ATF6: variants seen among roughly 807,000 people sequenced by gnomAD.
ATF6 encodes activating transcription factor 6.
A neutral mutation model predicts 83.6 loss-of-function variants in ATF6; 53 were observed. The observed-to-expected ratio is 0.63, with a 90% CI of 0.51 to 0.80. The LOEUF is 0.80. Among genes scored for constraint, ATF6 ranks in the 30% least tolerant of loss-of-function variants. The probability of loss-of-function intolerance (pLI) is 0.00; values close to 1 mark genes in which losing one functional copy is unlikely to be tolerated. For synonymous variants in ATF6, 288 were observed against 285.8 expected, an observed-to-expected ratio of 1.01 and a Z score of -0.08; for missense variants, 744 against 797.9, an observed-to-expected ratio of 0.93 and a Z score of 0.81.
intron 14 of ATF6, among the ~76,000 whole-genome samples, chr1:161,884,262 A>C (rs1687375119): frequency 6.6e-6 from 1 of 152,150 alleles, no homozygotes; most frequent in Non-Finnish European, 1.5e-5. Context: ...TTTTTCATCT[A>C]CCAAAATGTG....
intron 4 of ATF6, among the ~76,000 whole-genome samples, chr1:161,790,595 A>G (rs879460962): frequency 2.6e-5 from 4 of 152,046 alleles, no homozygotes; most frequent in South Asian, 4.2e-4. Flanking sequence ...GGACCATATG[A>G]GGTCAGGAGT....
At chr1:161,899,750 A>AT (rs1238960499) in intron 14 of ATF6, among the ~76,000 whole-genome samples, 3 of 152,004 alleles carry the variant, frequency 2.0e-5, no homozygotes, top group South Asian at 2.1e-4. Context: ...TTTCTCTGCT[A>AT]TTTTTTTACA....
chr1:161,859,386 G>A (rs547452626), intron 12 of ATF6, among the ~76,000 whole-genome samples: 2 of 152,278 alleles, frequency 1.3e-5, no homozygotes, highest in East Asian at 1.9e-4. Context: ...GTTAAACTGC[G>A]AGCTTCTTAA....
rs1557961723 is a variant in ATF6, at chr1:161,791,076, G to GTCTC, written c.355-331_355-330insCTCT. Reference sequence around the variant, plus strand: ...CCAAGTTTTATATGTGTGTGTGTGTGTGTGTGTCTCTGTGTGTGTGTGTGT... The same window carrying GTCTC: ...CCAAGTTTTATATGTGTGTGTGTGTGTCTCTGTGTGTCTCTGTGTGTGTGTGTGT... On this transcript the variant is annotated intron_variant, in intron 4 of 15. Coordinates refer to ENST00000367942, the MANE Select transcript of ATF6 (RefSeq NM_007348.4). 2.0e-4 allele frequency among the ~76,000 whole-genome samples: 17 copies of GTCTC among 86,676 alleles called. No homozygotes were observed. The East Asian group carries it at 6.7e-3, about 34-fold the overall frequency. 56.9% of individuals were successfully genotyped at this position (86,676 alleles called of 152,430 possible).
intron 14 of ATF6, among the ~76,000 whole-genome samples, chr1:161,898,246 A>G (rs1460768443): frequency 2.6e-5 from 4 of 152,204 alleles, no homozygotes; most frequent in Non-Finnish European, 5.9e-5. Flanking sequence ...TATCATATCC[A>G]GGCTTTTGGT....
chr1:161,768,757 A>G (rs1050432484), intron 1 of ATF6, among the ~76,000 whole-genome samples: 2 of 152,032 alleles, frequency 1.3e-5, no homozygotes, highest in Non-Finnish European at 2.9e-5. Flanking sequence ...AATTTTTTGT[A>G]GAGACAGGGG....
intron 7 of ATF6, among the ~76,000 whole-genome samples, chr1:161,804,436 G>A (rs1244812151): frequency 6.6e-6 from 1 of 152,024 alleles, no homozygotes; most frequent in Non-Finnish European, 1.5e-5. Flanking sequence ...TAGAAACCAT[G>A]GGGTAGAGGA....
intron 15 of ATF6, among the ~76,000 whole-genome samples, chr1:161,933,144 T>C (rs1005289277): frequency 4.6e-5 from 7 of 152,220 alleles, no homozygotes; most frequent in African/African-American, 1.7e-4. Flanking sequence ...CACCAAAATA[T>C]GGAGCTTACT....
At chr1:161,791,296 C>T in intron 4 of ATF6, 112 bp from the exon 5 acceptor site, 1 of 824,360 alleles carries the variant, frequency 1.2e-6, no homozygotes, top group Non-Finnish European at 1.8e-6. Flanking sequence ...TATACCTTTC[C>T]TTTGAAGTTA....
intron 15 of ATF6, among the ~76,000 whole-genome samples, chr1:161,954,877 C>T (rs1346089850): frequency 6.6e-6 from 1 of 152,144 alleles, no homozygotes; most frequent in Non-Finnish European, 1.5e-5. Flanking sequence ...ACTCAGAAAG[C>T]CCAGAACATA....
chr1:161,817,459 A>C (rs1685638245), intron 7 of ATF6, among the ~76,000 whole-genome samples: 1 of 152,142 alleles, frequency 6.6e-6, no homozygotes, highest in Admixed American at 6.5e-5. Flanking sequence ...AATAGTTTGC[A>C]TTTGGTGAAT....
rs757452190 is a variant in ATF6, at chr1:161,821,078, G to A, written c.1104G>A (p.Arg368=). ...QLDEVVSENQ[R]LKVPSPKRRV... ...GTGGTCATTTCCTTTAGAACCAGAG[G>A]CTTAAAGTCCCTAGTCCAAAGCGAA... The change falls in exon 9 of 16, where the codon AGG becomes AGA. Residue 368 remains arginine (R), a synonymous_variant. Coordinates refer to ENST00000367942, the MANE Select transcript of ATF6 (RefSeq NM_007348.4). 2 of 1,608,584 alleles carry A rather than the reference G, an allele frequency of 1.2e-6. No individual in the cohort carries two copies. The highest frequency in any genetic ancestry group is 1.7e-5 in the Admixed American group (1 of 59,310).
intron 9 of ATF6, among the ~76,000 whole-genome samples, chr1:161,845,414 G>A (rs905596): frequency 0.14 from 21,546 of 151,954 alleles, 2,089 homozygotes; most frequent in East Asian, 0.31. Context: ...AACAAAGTGC[G>A]AACACACACA....
chr1:161,839,889 G>A (rs538497071), intron 9 of ATF6, among the ~76,000 whole-genome samples: 2 of 152,320 alleles, frequency 1.3e-5, no homozygotes, highest in East Asian at 3.9e-4. Context: ...GATGATGTCA[G>A]AGAGGTGAGA....
chr1:161,792,373 G>GT, intron 6 of ATF6, 46 bp downstream of exon 6: 1 of 1,531,972 alleles, frequency 6.5e-7, no homozygotes, highest in Non-Finnish European at 9.0e-7. Flanking sequence ...TTGGAGGGCA[G>GT]TAAGGGTTGT....
chr1:161,958,916 G>T lies in ATF6; in HGVS notation c.*262G>T, dbSNP rs1008814393. 7 of 315,230 alleles carry T rather than the reference G, an allele frequency of 2.2e-5. No homozygotes were observed. Among genetic ancestry groups the T allele is most frequent in the African/African-American group, 1.1e-4 (5 of 47,052 alleles). The allele number at this position is 315,230 out of a possible 1,614,324, so 19.5% of individuals were successfully genotyped here. On this transcript the variant is annotated 3_prime_UTR_variant, in exon 16 of 16. Transcript: ENST00000367942. ...CCTGCATCCTCCAGTGTTACCTGGT[G>T]TAGATTTTTTTTTCTGTACCTTTCT...
At position 161,766,401 on chromosome 1, in the gene ATF6, C is replaced by T. The variant is rs540411870; in HGVS notation, c.41C>T (p.Pro14Leu). ...GGGGTTGCCGGCACCATGGAGTCAC[C>T]TTTTAGCCCGGGACTCTTTCACAGG... Reference protein sequence around the residue: ...PAGVAGTMESPFSPGLFHRLD... With the variant: ...PAGVAGTMESLFSPGLFHRLD... The change falls in exon 1 of 16, where the codon CCT becomes CTT. Residue 14 changes from proline (P) to leucine (L), a missense_variant. Transcript: ENST00000367942. 1 of 1,613,596 alleles carries T rather than the reference C, an allele frequency of 6.2e-7. No homozygotes were observed. The highest frequency in any genetic ancestry group is 1.1e-5 in the South Asian group (1 of 90,934).
At chr1:161,941,568 C>G (rs1265695629) in intron 15 of ATF6, among the ~76,000 whole-genome samples, 16 of 152,188 alleles carry the variant, frequency 1.1e-4, no homozygotes, top group Non-Finnish European at 4.4e-5. Flanking sequence ...AGTTTTCAGC[C>G]TTTAGCCGGG....
chr1:161,855,187 G>A (rs558349072), intron 12 of ATF6, among the ~76,000 whole-genome samples: 119 of 152,274 alleles, frequency 7.8e-4, no homozygotes, highest in African/African-American at 2.8e-3. Context: ...CCATGGTGGG[G>A]AGTATGACTG....
Sources: allele counts gnomAD v4.1 joint callset (sites outside exome capture counted in the v4.1 genomes callset), GRCh38; gene constraint gnomAD v4.1.1; transcripts MANE v1.5; gene names NCBI Gene and HGNC (gene_info 2026-07-23, HGNC 2026-07-21).